RFX1: variants seen among roughly 807,000 people sequenced by gnomAD.
The protein encoded by RFX1 is MHC class II regulatory factor RFX1.
In RFX1, 42 loss-of-function variants were observed where a neutral mutation model predicts 119.6. The ratio of observed to expected loss-of-function variants is 0.35; its 90% CI spans 0.27 to 0.45. The LOEUF is 0.45. Among genes scored for constraint, RFX1 ranks in the 20% least tolerant of loss-of-function variants. The probability of loss-of-function intolerance (pLI) is 1.00; values close to 1 mark genes in which losing one functional copy is unlikely to be tolerated. For missense variants in RFX1, 1,118 were observed against 1,368.1 expected (o/e 0.82, Z 2.88); for synonymous variants, 628 against 618.5 (o/e 1.02, Z -0.23).
rs1436967956 is a variant in RFX1, at chr19:13,966,711, G to A, written c.1773C>T (p.Leu591=). The change falls in exon 13 of 21, where the codon CTC becomes CTT. Residue 591 remains leucine (L), a synonymous_variant. Transcript: ENST00000254325. The surrounding 1 kb of genome is among the most constrained non-coding windows in gnomAD (Gnocchi z 6.3). The stretch of plus-strand genomic sequence containing the variant: ...CGCCCTCAGGCAGCACCTTGCCCTG[G>A]AGGTCGAGCTCTGTGAAGTCAGGGA... ...RSLPDFTELD[L]QGKVLPEGVG... The A allele has an allele frequency of 6.2e-7, 1 of 1,611,458 alleles. No homozygotes were observed. The highest frequency in any genetic ancestry group is 1.7e-5 in the Admixed American group (1 of 59,818).
intron 1 of RFX1, 100 bp from the exon 2 acceptor site, chr19:13,993,995 T>C (rs1033322728): frequency 2.8e-6 from 2 of 721,010 alleles, no homozygotes; most frequent in East Asian, 5.5e-5. Flanking sequence ...GGGACAGCTC[T>C]GGGTTCCCTG....
intron 2 of RFX1, among the ~76,000 whole-genome samples, chr19:13,984,343 G>A (rs936755603): frequency 5.3e-5 from 8 of 151,798 alleles, no homozygotes; most frequent in East Asian, 3.9e-4. Flanking sequence ...ACCTTGGGGC[G>A]CTAATCCCCC....
At chr19:14,001,357 G>T (rs1344889625) in intron 1 of RFX1, among the ~76,000 whole-genome samples, 1 of 152,082 alleles carries the variant, frequency 6.6e-6, no homozygotes, top group Non-Finnish European at 1.5e-5. Flanking sequence ...CTGGAGCACA[G>T]TGGCACAATC....
At chr19:13,994,893 C>CATATATATATATAT (rs566150731) in intron 1 of RFX1, among the ~76,000 whole-genome samples, 4 of 59,310 alleles carry the variant, frequency 6.7e-5, no homozygotes, top group Admixed American at 2.4e-4. Flanking sequence ...AATATACATA[C>CATATATATATATAT]ATATATATAT....
At chr19:13,979,151 C>G (rs1373020109) in intron 7 of RFX1, among the ~76,000 whole-genome samples, 1 of 152,138 alleles carries the variant, frequency 6.6e-6, no homozygotes, top group Admixed American at 6.5e-5. Context: ...CTCCACCCAC[C>G]GGGTTGCTGA....
Position 13,962,959 on chromosome 19 carries a change from G to A in RFX1, c.2770+35C>T, listed in dbSNP as rs937932698. On this transcript the variant is annotated intron_variant, in intron 20 of 20. Coordinates refer to ENST00000254325, the MANE Select transcript of RFX1 (RefSeq NM_002918.5). ...CCCCTCCGTTGTCCGCCACCCCCGG[G>A]ACCCGCGCCCTGGGTGGGAACACGC... 9 of 1,548,956 alleles carry A rather than the reference G, an allele frequency of 5.8e-6. No individual in the cohort carries two copies. In the East Asian group the frequency reaches 1.5e-4, roughly 25 times the overall value.
In RFX1 at chr19:13,990,430, C is replaced by T. The variant is rs1218558515; in HGVS notation, c.319+3095G>A. Among the ~76,000 whole-genome samples the T allele has an allele frequency of 1.3e-5, 2 of 151,998 alleles. No individual in the cohort carries two copies. Among genetic ancestry groups the T allele is most frequent in the African/African-American group, 4.8e-5 (2 of 41,378 alleles). On this transcript the variant is annotated intron_variant, in intron 2 of 20. Coordinates refer to ENST00000254325, the MANE Select transcript of RFX1 (RefSeq NM_002918.5). The surrounding 1 kb of genome is among the most constrained non-coding windows in gnomAD (Gnocchi z 4.1). ...GCGCGGTGGCTCACACTTGTAATTCCAGCACTTTGGGAGGCTGAAGTGGGA... is the reference window on the plus strand; with the variant it reads ...GCGCGGTGGCTCACACTTGTAATTCTAGCACTTTGGGAGGCTGAAGTGGGA...
In RFX1 at chr19:13,963,723, G is replaced by A. The variant is rs775652804; in HGVS notation, c.2385C>T (p.Arg795=). 6.3e-7 allele frequency: 1 copy of A among 1,599,574 alleles called. No individual in the cohort carries two copies. Among genetic ancestry groups the A allele is most frequent in the Non-Finnish European group, 8.5e-7 (1 of 1,175,146 alleles). The change falls in exon 18 of 21, where the codon CGC becomes CGT. Residue 795 remains arginine, a synonymous_variant. Transcript: ENST00000254325. ...NVQEQASWVC[R]CEDRVVQRLE... The stretch of plus-strand genomic sequence containing the variant: ...GCCGCTGCACCACGCGGTCCTCGCA[G>A]CGGCACACCCACGAGGCCTGCTCCT...
At position 13,965,136 on chromosome 19, in the gene RFX1, C is replaced by T. The variant is rs901940746; in HGVS notation, c.2211+313G>A. 1.2e-4 allele frequency among the ~76,000 whole-genome samples: 18 copies of T among 152,198 alleles called. No individual in the cohort carries two copies. Among genetic ancestry groups the T allele is most frequent in the Admixed American group, 1.0e-3 (16 of 15,264 alleles). On this transcript the variant is annotated intron_variant, in intron 16 of 20. Coordinates refer to ENST00000254325, the MANE Select transcript of RFX1 (RefSeq NM_002918.5). The surrounding 1 kb of genome is among the most constrained non-coding windows in gnomAD (Gnocchi z 4.7). ...AAAAAGTTTTATCTGTTTCTGCACA[C>T]CTGAAGCACTTTCTAGCAAGGCTGT...
Position 13,980,316 on chromosome 19 carries a change from G to A in RFX1, c.738+257C>T, listed in dbSNP as rs1182344657. Among the ~76,000 whole-genome samples the A allele has an allele frequency of 1.3e-5, 2 of 152,288 alleles. No individual in the cohort carries two copies. Among genetic ancestry groups the A allele is most frequent in the Non-Finnish European group, 2.9e-5 (2 of 68,014 alleles). ...AGAGGCTCAGGTGGCTTCTCCAAGC[G>A]GTTCCCATGGCCCACTACGCCCCAG... On this transcript the variant is annotated intron_variant, in intron 6 of 20. Coordinates refer to ENST00000254325, the MANE Select transcript of RFX1 (RefSeq NM_002918.5). This position sits in a 1 kb window ranked among gnomAD's most constrained non-coding sequence, Gnocchi z 5.1.
At chr19:13,963,831 G>GCCCCCCCC in intron 17 of RFX1, 27 bp downstream of exon 17, 1 of 1,487,658 alleles carries the variant, frequency 6.7e-7, no homozygotes, top group Non-Finnish European at 8.9e-7. Flanking sequence ...CCCCTCATTC[G>GCCCCCCCC]CCCGCCCCGC....
At chr19:14,001,454 C>T (rs114428312) in intron 1 of RFX1, among the ~76,000 whole-genome samples, 2,009 of 152,234 alleles carry the variant, frequency 0.013, 50 homozygotes, top group African/African-American at 0.046. Context: ...GCCTGTGCCA[C>T]GACACCTGGC....
At chr19:14,002,298 G>C (rs1455279645) in intron 1 of RFX1, among the ~76,000 whole-genome samples, 1 of 135,052 alleles carries the variant, frequency 7.4e-6, no homozygotes, top group African/African-American at 2.8e-5. Flanking sequence ...CTGGATGACA[G>C]AGTGAGACTC....
At position 13,965,582 on chromosome 19, in the gene RFX1, G is replaced by C. The variant is rs1313518853; in HGVS notation, c.2114-36C>G. 1 of 1,612,246 alleles carries C rather than the reference G, an allele frequency of 6.2e-7. No individual in the cohort carries two copies. Among genetic ancestry groups the C allele is most frequent in the East Asian group, 2.2e-5 (1 of 44,854 alleles). ...TGGCGGGGGTCGGTCAGGGCAGGGC[G>C]GGTGTATGTGGGGCAGGGGATGCCG... On this transcript the variant is annotated intron_variant, in intron 15 of 20. Coordinates refer to ENST00000254325, the MANE Select transcript of RFX1 (RefSeq NM_002918.5). The surrounding 1 kb of genome is among the most constrained non-coding windows in gnomAD (Gnocchi z 4.7).
At chr19:13,988,739 A>G (rs1467742221) in intron 2 of RFX1, among the ~76,000 whole-genome samples, 2 of 152,184 alleles carry the variant, frequency 1.3e-5, no homozygotes, top group Non-Finnish European at 1.5e-5. Context: ...TAAGAAGACC[A>G]GCGGGGCGCA....
Position 13,965,558 on chromosome 19 carries a change from G to A in RFX1, c.2114-12C>T. 1.2e-6 allele frequency: 2 copies of A among 1,613,420 alleles called. No homozygotes were observed. Among genetic ancestry groups the A allele is most frequent in the Non-Finnish European group, 1.7e-6 (2 of 1,179,914 alleles). Reference sequence around the variant, plus strand: ...TTGGGTCAAGGCACCTGTGGGCGGTGGCGGGGGTCGGTCAGGGCAGGGCGG... The same window carrying A: ...TTGGGTCAAGGCACCTGTGGGCGGTAGCGGGGGTCGGTCAGGGCAGGGCGG... On this transcript the variant is annotated splice_polypyrimidine_tract_variant and intron_variant, in intron 15 of 20. Coordinates refer to ENST00000254325, the MANE Select transcript of RFX1 (RefSeq NM_002918.5). This position sits in a 1 kb window ranked among gnomAD's most constrained non-coding sequence, Gnocchi z 4.7.
At position 13,981,891 on chromosome 19, in the gene RFX1, G is replaced by A. The variant is rs113222876; in HGVS notation, c.621+230C>T. 5.4e-3 allele frequency among the ~76,000 whole-genome samples: 827 copies of A among 152,362 alleles called. 8 individuals are homozygous for A. The highest frequency in any genetic ancestry group is 0.019 in the African/African-American group (775 of 41,596). On this transcript the variant is annotated intron_variant, in intron 5 of 20. Transcript: ENST00000254325. ...GAAATCACCTCCTTCTCCCAGAGCA[G>A]AGCTCCACGGCCGCTTAGCTCAGAG...
chr19:13,963,319 C>T, intron 18 of RFX1, 44 bp from the exon 19 acceptor site: 1 of 1,568,266 alleles, frequency 6.4e-7, no homozygotes. Context: ...CCCGTCCGGC[C>T]CGACCCCCTC....
chr19:13,968,482 G>A lies in RFX1; in HGVS notation c.1732+83C>T, dbSNP rs1384770075. ...CCAAGCCCTCCCCAGCTCAGAGGCTGCCTGCCGCCATCCAGCTTTGGGAAC... is the reference window on the plus strand; with the variant it reads ...CCAAGCCCTCCCCAGCTCAGAGGCTACCTGCCGCCATCCAGCTTTGGGAAC... On this transcript the variant is annotated intron_variant, in intron 12 of 20. Transcript: ENST00000254325. This position sits in a 1 kb window ranked among gnomAD's most constrained non-coding sequence, Gnocchi z 5.5. The A allele has an allele frequency of 2.6e-6, 3 of 1,145,530 alleles. No homozygotes were observed. Among genetic ancestry groups the A allele is most frequent in the African/African-American group, 1.5e-5 (1 of 66,260 alleles). 71.0% of individuals were successfully genotyped at this position (1,145,530 alleles called of 1,614,324 possible). A position where few individuals can be genotyped will look rare whatever the true frequency, so the allele number is the denominator to read the frequency against.
Sources: allele counts gnomAD v4.1 joint callset (sites outside exome capture counted in the v4.1 genomes callset), GRCh38; gene constraint gnomAD v4.1.1; non-coding constraint Gnocchi (gnomAD v3.1); transcripts MANE v1.5; gene names NCBI Gene and HGNC (gene_info 2026-07-23, HGNC 2026-07-21).